CNBD2: variants seen among roughly 807,000 people sequenced by gnomAD.
CNBD2 encodes the protein cyclic nucleotide binding domain containing 2, also known as cyclic nucleotide-binding domain-containing protein 2.
A neutral mutation model predicts 63.7 loss-of-function variants in CNBD2; 64 were observed. That is an observed-to-expected ratio of 1.00 (90% CI 0.82 to 1.24). The LOEUF (loss-of-function observed/expected upper bound fraction) is 1.24. Ranked by LOEUF, CNBD2 falls within the 50% of genes most tolerant of loss-of-function variation. The pLI is 0.00. For missense variants in CNBD2, 691 were observed against 713.5 expected (o/e 0.97, Z 0.36); for synonymous variants, 229 against 255.4 (o/e 0.90, Z 0.99).
In CNBD2 at chr20:35,954,924, GGCCC is replaced by G. The variant is rs1381865595; in HGVS notation, c.*142_*145del. 4.6e-4 allele frequency: 112 copies of G among 243,792 alleles called. 1 individual carries two copies. The South Asian group carries it at 5.0e-3, about 11-fold the overall frequency. 15.1% of individuals were successfully genotyped at this position (243,792 alleles called of 1,614,324 possible). A position where few individuals can be genotyped will look rare whatever the true frequency, so the allele number is the denominator to read the frequency against. On this transcript the variant is annotated 3_prime_UTR_variant, in exon 1 of 1. Coordinates refer to the CNBD2 transcript ENST00000614708. Reference sequence around the variant, plus strand: ...GGACGGCGACCATTCTCTCGGGAGGGGCCCATCTGGAGAAAGTCCTCTCGCTTGG... The same window carrying G: ...GGACGGCGACCATTCTCTCGGGAGGGATCTGGAGAAAGTCCTCTCGCTTGG...
chr20:35,990,125 A>T (rs925432951), intron 7 of CNBD2, among the ~76,000 whole-genome samples: 2 of 152,134 alleles, frequency 1.3e-5, no homozygotes, highest in African/African-American at 4.8e-5. Flanking sequence ...ACATTCAGTG[A>T]CCTCATGTTG....
At chr20:35,995,190 T>G in intron 8 of CNBD2, 38 bp downstream of exon 8, 1 of 1,415,966 alleles carries the variant, frequency 7.1e-7, no homozygotes, top group Non-Finnish European at 1.0e-6. Context: ...AGGGGGCGCC[T>G]GGGCCTGTCC....
chr20:35,989,929 G>C (rs1294542260), intron 7 of CNBD2, among the ~76,000 whole-genome samples: 1 of 151,242 alleles, frequency 6.6e-6, no homozygotes, highest in African/African-American at 2.4e-5. Context: ...AGGAAGGAAA[G>C]AAGAAAGGAA....
chr20:35,993,205 A>G (rs2056772777), intron 7 of CNBD2, among the ~76,000 whole-genome samples: 1 of 152,230 alleles, frequency 6.6e-6, no homozygotes, highest in East Asian at 1.9e-4. Flanking sequence ...TTACAGCTTC[A>G]TAAATTTTTA....
chr20:35,972,987 C>T (rs1251518978), intron 2 of CNBD2: 2 of 565,384 alleles, frequency 3.5e-6, no homozygotes, highest in African/African-American at 3.8e-5. Flanking sequence ...TTTAGACAGC[C>T]TTACATGCCT....
At chr20:36,016,681 C>T (rs957549663) in intron 10 of CNBD2, among the ~76,000 whole-genome samples, 5 of 150,800 alleles carry the variant, frequency 3.3e-5, no homozygotes, top group African/African-American at 4.9e-5. Flanking sequence ...CCCAGGTACT[C>T]GGGAAGCTGA....
intron 8 of CNBD2, among the ~76,000 whole-genome samples, chr20:35,998,847 C>A (rs764716507): frequency 7.4e-5 from 10 of 135,030 alleles, no homozygotes; most frequent in Non-Finnish European, 1.2e-4. Flanking sequence ...CACTCCAGTC[C>A]GAGCGACAGA....
intron 10 of CNBD2, among the ~76,000 whole-genome samples, chr20:36,017,130 A>T (rs1001849851): frequency 4.0e-5 from 6 of 151,344 alleles, no homozygotes; most frequent in African/African-American, 1.5e-4. Context: ...CTATGAGCTG[A>T]TCACTATGGA....
intron 8 of CNBD2, among the ~76,000 whole-genome samples, chr20:36,003,407 T>C (rs1469320231): frequency 6.6e-6 from 1 of 152,230 alleles, no homozygotes; most frequent in Non-Finnish European, 1.5e-5. Flanking sequence ...CGTTAAGATG[T>C]AGTTACTTGG....
intron 2 of CNBD2, among the ~76,000 whole-genome samples, chr20:35,962,257 CTT>C (rs917656604): frequency 2.4e-4 from 32 of 131,506 alleles, no homozygotes; most frequent in Middle Eastern, 3.8e-3. Flanking sequence ...TCCCTGCAGT[CTT>C]TTTTTTTTTT....
chr20:36,013,684 T>C (rs1244719240), intron 10 of CNBD2, among the ~76,000 whole-genome samples: 1 of 152,152 alleles, frequency 6.6e-6, no homozygotes, highest in Admixed American at 6.6e-5. Flanking sequence ...CTACTATACA[T>C]GTACACAGTG....
chr20:36,008,506 C>G, intron 9 of CNBD2, 32 bp downstream of exon 9: 1 of 1,576,998 alleles, frequency 6.3e-7, no homozygotes. Context: ...TAGACGGGTC[C>G]AGATTGTGGT....
At chr20:35,956,505 T>A (rs2056258415), downstream of CNBD2, among the ~76,000 whole-genome samples, 1 of 152,204 alleles carries the variant, frequency 6.6e-6, no homozygotes, top group Non-Finnish European at 1.5e-5. Flanking sequence ...TTCTCTGAAA[T>A]AGAATGTTGT....
upstream of CNBD2, among the ~76,000 whole-genome samples, chr20:35,963,829 TA>T (rs2056325699): frequency 6.6e-6 from 1 of 152,164 alleles, no homozygotes; most frequent in African/African-American, 2.4e-5. Context: ...TTGCAACCAC[TA>T]AATAGAGAAT....
chr20:35,955,150 T>C (rs561336555), exon 1 of CNBD2: 1 of 167,102 alleles, frequency 6.0e-6, no homozygotes, highest in African/African-American at 2.4e-5. Context: ...CATTGCCCCT[T>C]ATGGTGGCCG....
At chr20:36,003,521 G>T (rs2056944675) in intron 8 of CNBD2, among the ~76,000 whole-genome samples, 1 of 152,106 alleles carries the variant, frequency 6.6e-6, no homozygotes, top group Non-Finnish European at 1.5e-5. Flanking sequence ...AAACCATTTT[G>T]TGTATTTCAG....
intron 8 of CNBD2, 62 bp downstream of exon 8, chr20:35,995,214 C>T (rs1385250536): frequency 9.0e-7 from 1 of 1,105,098 alleles, no homozygotes; most frequent in East Asian, 2.4e-5. Flanking sequence ...TTCCAGTTCC[C>T]AGCACATAGA....
chr20:36,002,249 C>T (rs2056923078), intron 8 of CNBD2, among the ~76,000 whole-genome samples: 1 of 152,228 alleles, frequency 6.6e-6, no homozygotes, highest in Admixed American at 6.5e-5. Context: ...ATACGAAAAC[C>T]AGTCAGGCGT....
intron 4 of CNBD2, among the ~76,000 whole-genome samples, chr20:35,982,162 G>C (rs1253606182): frequency 6.6e-6 from 1 of 152,186 alleles, no homozygotes; most frequent in Non-Finnish European, 1.5e-5. Context: ...GCAGTGTGGA[G>C]GGGGAGGAGG....
Sources: allele counts gnomAD v4.1 joint callset (sites outside exome capture counted in the v4.1 genomes callset), GRCh38; gene constraint gnomAD v4.1.1; transcripts MANE v1.5; gene names NCBI Gene and HGNC (gene_info 2026-07-23, HGNC 2026-07-21).